The following AAGAB variants were observed in gnomAD, a reference collection of about 807,000 sequenced individuals.
AAGAB encodes alpha and gamma adaptin binding protein, also known as alpha- and gamma-adaptin-binding protein p34.
In AAGAB, 38 loss-of-function variants were observed where a neutral mutation model predicts 44.1. The observed-to-expected ratio is 0.86, with a 90% CI of 0.67 to 1.13. AAGAB has a LOEUF of 1.13. Ranked by LOEUF, AAGAB falls within the 50% of genes most tolerant of loss-of-function variation. AAGAB has a pLI of 0.00. For synonymous variants in AAGAB, 131 were observed against 131.8 expected (o/e 0.99, Z 0.04); for missense variants, 450 against 373.8 (o/e 1.20, Z -1.68).
chr15:67,246,080 C>CT (rs1964713959), intron 1 of AAGAB, among the ~76,000 whole-genome samples: 1 of 152,170 alleles, frequency 6.6e-6, no homozygotes, highest in Admixed American at 6.5e-5. Context: ...CATAAAGCCT[C>CT]TTTAATAGTT....
chr15:67,227,567 T>C (rs1964233331), intron 5 of AAGAB, among the ~76,000 whole-genome samples: 1 of 151,940 alleles, frequency 6.6e-6, no homozygotes, highest in African/African-American at 2.4e-5. Context: ...CACAGACCCC[T>C]AAAACAAATA....
At position 67,246,284 on chromosome 15, in the gene AAGAB, C is replaced by T. The variant is rs554139622; in HGVS notation, c.73+8275G>A. On this transcript the variant is annotated intron_variant, in intron 1 of 9. Coordinates refer to ENST00000261880, the MANE Select transcript of AAGAB (RefSeq NM_024666.5). The stretch of plus-strand genomic sequence containing the variant: ...TAGTCCCAGCTACTTGCGGTGGGGT[C>T]GGGGGGCTGAGGCAGGAGAATCACT... Among the ~76,000 whole-genome samples the T allele has an allele frequency of 5.3e-5, 8 of 149,544 alleles. No individual in the cohort carries two copies. The South Asian group carries it at 6.4e-4, about 12-fold the overall frequency.
chr15:67,218,257 T>C (rs188928585), intron 5 of AAGAB, among the ~76,000 whole-genome samples: 181 of 152,330 alleles, frequency 1.2e-3, no homozygotes, highest in African/African-American at 3.9e-3. Context: ...ACGGTGGTAA[T>C]TGTTAAAAGA....
intron 7 of AAGAB, among the ~76,000 whole-genome samples, chr15:67,204,428 G>T (rs1055178537): frequency 6.6e-5 from 10 of 152,182 alleles, no homozygotes; most frequent in Non-Finnish European, 1.2e-4. Flanking sequence ...ACTTGCCGAG[G>T]TGACAGCTAG....
At chr15:67,246,692 T>C (rs1468002407) in intron 1 of AAGAB, among the ~76,000 whole-genome samples, 1 of 133,866 alleles carries the variant, frequency 7.5e-6, no homozygotes, top group South Asian at 2.6e-4. Context: ...GGATTGTAAA[T>C]GTACCAATCA....
chr15:67,208,557 C>A lies in AAGAB; in HGVS notation c.715+5G>T, dbSNP rs1963736179. On this transcript the variant is annotated splice_donor_5th_base_variant and intron_variant, in intron 7 of 9. Coordinates refer to ENST00000261880, the MANE Select transcript of AAGAB (RefSeq NM_024666.5). ...TCTCTCTTGGCAGCCAAAGGAGGAA[C>A]TTACCCACAATGCTATCAACCTGGG... The A allele has an allele frequency of 1.2e-6, 2 of 1,613,218 alleles. No homozygotes were observed. Among genetic ancestry groups the A allele is most frequent in the African/African-American group, 1.3e-5 (1 of 74,898 alleles).
rs548721335 is a variant in AAGAB, at chr15:67,202,642, T to C, written c.*179A>G. On this transcript the variant is annotated 3_prime_UTR_variant, in exon 10 of 10. Transcript: ENST00000261880. ...TATTCCTCACTCTCTTACAATATAC[T>C]GAGGAAAAAAAAGATTTCTCCTTAA... The C allele has an allele frequency of 1.1e-4, 66 of 606,590 alleles. 1 individual carries two copies. The African/African-American group carries it at 1.2e-3, about 11-fold the overall frequency. The allele number at this position is 606,590 out of a possible 1,614,324, so 37.6% of individuals were successfully genotyped here. A position where few individuals can be genotyped will look rare whatever the true frequency, so the allele number is the denominator to read the frequency against.
intron 5 of AAGAB, among the ~76,000 whole-genome samples, chr15:67,213,607 G>T (rs755252423): frequency 2.0e-5 from 3 of 152,046 alleles, no homozygotes; most frequent in Non-Finnish European, 4.4e-5. Context: ...TATTTACCAG[G>T]CAATATGACA....
At chr15:67,204,289 C>T in intron 7 of AAGAB, 141 bp from the exon 8 acceptor site, 1 of 547,756 alleles carries the variant, frequency 1.8e-6, no homozygotes, top group Non-Finnish European at 3.2e-6. Context: ...GCTCATGGCT[C>T]ACCCTGCTTG....
chr15:67,229,459 AG>A (rs1203123859), intron 5 of AAGAB, among the ~76,000 whole-genome samples: 7 of 151,700 alleles, frequency 4.6e-5, no homozygotes, highest in Non-Finnish European at 8.8e-5. Context: ...GAGTTGGAGA[AG>A]GAAAAAAAAA....
intron 5 of AAGAB, among the ~76,000 whole-genome samples, chr15:67,213,373 A>G (rs1007496754): frequency 1.3e-5 from 2 of 152,190 alleles, no homozygotes; most frequent in African/African-American, 2.4e-5. Context: ...AAGAAGTTAA[A>G]AAAACTTGAA....
At chr15:67,216,400 C>A (rs1963947308) in intron 5 of AAGAB, among the ~76,000 whole-genome samples, 1 of 124,956 alleles carries the variant, frequency 8.0e-6, no homozygotes, top group Non-Finnish European at 1.6e-5. Flanking sequence ...CAAGATCATG[C>A]CACTGTACTC....
Position 67,202,652 on chromosome 15 carries a change from A to T in AAGAB, c.*169T>A. The stretch of plus-strand genomic sequence containing the variant: ...TCTCTTACAATATACTGAGGAAAAA[A>T]AAGATTTCTCCTTAACCTCCTACTA... On this transcript the variant is annotated 3_prime_UTR_variant, in exon 10 of 10. Coordinates refer to ENST00000261880, the MANE Select transcript of AAGAB (RefSeq NM_024666.5). 1 of 612,660 alleles carries T rather than the reference A, an allele frequency of 1.6e-6. No individual in the cohort carries two copies. Among genetic ancestry groups the T allele is most frequent in the Non-Finnish European group, 2.9e-6 (1 of 340,122 alleles). 38.0% of individuals were successfully genotyped at this position (612,660 alleles called of 1,614,324 possible).
chr15:67,244,891 G>A (rs1964685654), intron 1 of AAGAB, among the ~76,000 whole-genome samples: 2 of 151,752 alleles, frequency 1.3e-5, no homozygotes, highest in Non-Finnish European at 2.9e-5. Flanking sequence ...TGGACTATAT[G>A]AACATGAAAA....
At chr15:67,245,706 T>A (rs1013289072) in intron 1 of AAGAB, among the ~76,000 whole-genome samples, 1 of 152,168 alleles carries the variant, frequency 6.6e-6, no homozygotes, top group Non-Finnish European at 1.5e-5. Context: ...ACATAATATT[T>A]TAGGTACTTA....
chr15:67,209,828 A>T lies in AAGAB; in HGVS notation c.536-284T>A, dbSNP rs66517624. ...CCACTGTGCCTGGCTATTTTTTTTT[A>T]AAATTATTTCTTGTTTTTTGTAGAG... is the stretch of plus-strand genomic sequence containing the variant. On this transcript the variant is annotated intron_variant, in intron 5 of 9. Transcript: ENST00000261880. Among the ~76,000 whole-genome samples, 47,055 of 151,084 alleles carry T rather than the reference A, an allele frequency of 0.31. 7,618 individuals are homozygous for T. The highest frequency in any genetic ancestry group is 0.42 in the African/African-American group (17,148 of 41,048).
intron 4 of AAGAB, among the ~76,000 whole-genome samples, chr15:67,235,098 G>C (rs757878796): frequency 2.6e-5 from 4 of 152,202 alleles, no homozygotes; most frequent in Admixed American, 6.5e-5. Context: ...TGGAACAACT[G>C]GCATATTCAC....
At chr15:67,254,692 C>T, upstream of AAGAB, 7 of 1,527,784 alleles carry the variant, frequency 4.6e-6, no homozygotes, top group Non-Finnish European at 6.2e-6. Flanking sequence ...GCACCACGGC[C>T]GCCGGCGCGA....
At chr15:67,235,107 A>T (rs55841220) in intron 4 of AAGAB, among the ~76,000 whole-genome samples, 67,487 of 151,976 alleles carry the variant, frequency 0.44, 15,520 homozygotes, top group Non-Finnish European at 0.52. Context: ...TGGCATATTC[A>T]CAATGCCACC....
Sources: allele counts gnomAD v4.1 joint callset (sites outside exome capture counted in the v4.1 genomes callset), GRCh38; gene constraint gnomAD v4.1.1; transcripts MANE v1.5; gene names NCBI Gene and HGNC (gene_info 2026-07-23, HGNC 2026-07-21).